The following LMNB2 variants were observed in gnomAD, a reference collection of about 807,000 sequenced individuals.
The protein encoded by LMNB2 is lamin-B2.
LMNB2 carries 17 observed loss-of-function variants against 69.3 expected under a neutral mutation model. The observed-to-expected ratio is 0.25, with a 90% CI of 0.17 to 0.37. The LOEUF (loss-of-function observed/expected upper bound fraction) is 0.37. Among genes scored for constraint, LMNB2 ranks in the 10% least tolerant of loss-of-function variants. The probability of loss-of-function intolerance (pLI) is 1.00; values close to 1 mark genes in which losing one functional copy is unlikely to be tolerated. For missense variants in LMNB2, 789 were observed against 883.6 expected (o/e 0.89, Z 1.36); for synonymous variants, 397 against 389.3 (o/e 1.02, Z -0.23).
Position 2,430,355 on chromosome 19 carries a change from G to A in LMNB2, c.*556C>T, listed in dbSNP as rs1971723033. 2 of 175,852 alleles carry A rather than the reference G, an allele frequency of 1.1e-5. No homozygotes were observed. Among genetic ancestry groups the A allele is most frequent in the South Asian group, 1.2e-4 (1 of 8,312 alleles). 10.9% of individuals were successfully genotyped at this position (175,852 alleles called of 1,614,324 possible). ...AGCCCAGGCAGCGGAGTGAAAACCCGCCCTGGGGGCCACGCCATCCCCATG... is the reference window on the plus strand; with the variant it reads ...AGCCCAGGCAGCGGAGTGAAAACCCACCCTGGGGGCCACGCCATCCCCATG... On this transcript the variant is annotated 3_prime_UTR_variant, in exon 12 of 12. Coordinates refer to ENST00000325327, the MANE Select transcript of LMNB2 (RefSeq NM_032737.4).
rs556276153 is a variant in LMNB2 at position 2,447,171 on chromosome 19, A to G, written c.265-2631T>C. ...AATAAATAAATAAATAAATAAAATG[A>G]AAAATAAAAATAAATAAAAAAATAA... On this transcript the variant is annotated intron_variant, in intron 1 of 11. Transcript: ENST00000325327. This position sits in a 1 kb window ranked among gnomAD's most constrained non-coding sequence, Gnocchi z 4.4. Among the ~76,000 whole-genome samples the G allele has an allele frequency of 1.4e-5, 2 of 147,716 alleles. No individual in the cohort carries two copies. The highest frequency in any genetic ancestry group is 5.1e-5 in the African/African-American group (2 of 39,508).
intron 11 of LMNB2, 117 bp from the exon 12 acceptor site, chr19:2,431,069 A>G: frequency 4.1e-6 from 3 of 732,638 alleles, no homozygotes; most frequent in South Asian, 1.4e-5. Flanking sequence ...AACAGTGTCT[A>G]TTTCTAGAGC....
At chr19:2,450,149 T>C (rs2145470607) in intron 1 of LMNB2, among the ~76,000 whole-genome samples, 1 of 147,384 alleles carries the variant, frequency 6.8e-6, no homozygotes, top group Admixed American at 6.6e-5. Context: ...ATTAAAACAT[T>C]ACTCATCCCA....
At chr19:2,450,833 T>C (rs1182942506) in intron 1 of LMNB2, among the ~76,000 whole-genome samples, 2 of 150,406 alleles carry the variant, frequency 1.3e-5, no homozygotes, top group Admixed American at 1.3e-4. Context: ...GGCTTCACCA[T>C]GTTGGCCAGG....
chr19:2,431,421 C>G, intron 11 of LMNB2, 127 bp downstream of exon 11: 1 of 1,249,448 alleles, frequency 8.0e-7, no homozygotes, highest in East Asian at 2.3e-5. Flanking sequence ...CTGGCTTCAC[C>G]CTGAGCCACG....
intron 1 of LMNB2, among the ~76,000 whole-genome samples, chr19:2,448,065 G>A (rs964173539): frequency 6.6e-6 from 1 of 152,218 alleles, no homozygotes; most frequent in African/African-American, 2.4e-5. Context: ...CACAGAGGCA[G>A]CAGTGCAAAG....
intron 11 of LMNB2, among the ~76,000 whole-genome samples, chr19:2,431,190 G>A (rs1013633020): frequency 6.6e-6 from 1 of 152,216 alleles, no homozygotes; most frequent in African/African-American, 2.4e-5. Context: ...TGCAGCTGTG[G>A]TTTCTGCACT....
At chr19:2,431,505 C>G in intron 11 of LMNB2, 43 bp downstream of exon 11, 1 of 1,613,344 alleles carries the variant, frequency 6.2e-7, no homozygotes, top group Non-Finnish European at 8.5e-7. Flanking sequence ...TCACTCTGCC[C>G]CAGAGGCTGC....
chr19:2,438,757 G>A (rs944700663), intron 2 of LMNB2, among the ~76,000 whole-genome samples: 27 of 152,194 alleles, frequency 1.8e-4, no homozygotes, highest in Non-Finnish European at 3.5e-4. Flanking sequence ...AGGCACCAGC[G>A]CTTGGGACCA....
chr19:2,447,820 G>A lies in LMNB2; in HGVS notation c.265-3280C>T, dbSNP rs902617846. ...GCAGTGACCGGGCCTCTTCTGAGGTGGGACCCTCAGCCTCAAACCAACGCA... is the reference window on the plus strand; with the variant it reads ...GCAGTGACCGGGCCTCTTCTGAGGTAGGACCCTCAGCCTCAAACCAACGCA... On this transcript the variant is annotated intron_variant, in intron 1 of 11. Coordinates refer to ENST00000325327, the MANE Select transcript of LMNB2 (RefSeq NM_032737.4). The surrounding 1 kb of genome is among the most constrained non-coding windows in gnomAD (Gnocchi z 4.4). Among the ~76,000 whole-genome samples the A allele has an allele frequency of 1.3e-5, 2 of 152,176 alleles. No individual in the cohort carries two copies. The highest frequency in any genetic ancestry group is 6.5e-5 in the Admixed American group (1 of 15,280).
At position 2,438,405 on chromosome 19, in the gene LMNB2, G is replaced by A. The variant is rs749717016; in HGVS notation, c.528C>T (p.Asp176=). ...ALSDKRGLES[D]VAELRAQLAK... ...CCAGCTGGGCCCGCAGCTCAGCCACGTCACTCTCCAGGCCGCGCTTGTCGC... is the reference window on the plus strand; with the variant it reads ...CCAGCTGGGCCCGCAGCTCAGCCACATCACTCTCCAGGCCGCGCTTGTCGC... Residue 176 remains aspartate (D), a synonymous_variant, in exon 3 of 12, where the codon GAC becomes GAT. Transcript: ENST00000325327. The A allele has an allele frequency of 3.0e-5, 48 of 1,612,736 alleles. No individual in the cohort carries two copies. The highest frequency in any genetic ancestry group is 1.7e-4 in the Middle Eastern group (1 of 6,052).
chr19:2,438,495 C>G lies in LMNB2; in HGVS notation c.438G>C (p.Gln146His), dbSNP rs577671047. ...KKREGELTVA[Q>H]GRVKDLESLF... is the part of the protein sequence containing the mutation. ...GGGACTCCAGGTCCTTCACACGGCC[C>G]TGGGCCACCGTAAGCTCGCCCTCCC... is the stretch of plus-strand genomic sequence containing the variant. Residue 146 changes from glutamine (Q) to histidine (H), a missense_variant, in exon 3 of 12, where the codon CAG becomes CAC. Physicochemically the swap from Gln to His is conservative, Grantham distance 24 (BLOSUM62 0). Coordinates refer to ENST00000325327, the MANE Select transcript of LMNB2 (RefSeq NM_032737.4). 1 of 1,610,886 alleles carries G rather than the reference C, an allele frequency of 6.2e-7. No individual in the cohort carries two copies. The highest frequency in any genetic ancestry group is 1.1e-5 in the South Asian group (1 of 90,932).
In LMNB2 at chr19:2,438,368, C is replaced by A. The variant is rs1971853020; in HGVS notation, c.558+7G>T. On this transcript the variant is annotated splice_region_variant and intron_variant, in intron 3 of 11. Transcript: ENST00000325327. ...TGCTGGGGCGTCCCGTGGCTCCTGG[C>A]ACCTACCTTGGCCAGCTGGGCCCGC... 3 of 1,613,004 alleles carry A rather than the reference C, an allele frequency of 1.9e-6. No homozygotes were observed. Among genetic ancestry groups the A allele is most frequent in the African/African-American group, 1.3e-5 (1 of 74,928 alleles).
chr19:2,453,500 C>G lies in LMNB2; in HGVS notation c.264+3170G>C, dbSNP rs777669989. ...CCAGCAGGCTTCCAACTCTGCTCCC[C>G]ACTAGCCGGGTTCCTGGCCCACTAG... On this transcript the variant is annotated intron_variant, in intron 1 of 11. Transcript: ENST00000325327. The surrounding 1 kb of genome is among the most constrained non-coding windows in gnomAD (Gnocchi z 4.4). Among the ~76,000 whole-genome samples, 3 of 152,132 alleles carry G rather than the reference C, an allele frequency of 2.0e-5. No individual in the cohort carries two copies. Among genetic ancestry groups the G allele is most frequent in the Non-Finnish European group, 2.9e-5 (2 of 68,024 alleles).
In LMNB2 at chr19:2,432,412, C is replaced by G. The variant is rs777465807; in HGVS notation, c.1590+4G>C. ...CACCCTCGCCCTCCTGCCCCACCACCTACCGTGACCATCTGGCCGGCGCGC... is the reference window on the plus strand; with the variant it reads ...CACCCTCGCCCTCCTGCCCCACCACGTACCGTGACCATCTGGCCGGCGCGC... On this transcript the variant is annotated splice_donor_region_variant and intron_variant, in intron 9 of 11. Coordinates refer to ENST00000325327, the MANE Select transcript of LMNB2 (RefSeq NM_032737.4). 1 of 1,611,600 alleles carries G rather than the reference C, an allele frequency of 6.2e-7. No homozygotes were observed. The highest frequency in any genetic ancestry group is 1.3e-5 in the African/African-American group (1 of 74,932).
intron 1 of LMNB2, among the ~76,000 whole-genome samples, chr19:2,449,299 G>A (rs1055258987): frequency 1.3e-5 from 2 of 152,188 alleles, no homozygotes; most frequent in African/African-American, 2.4e-5. Flanking sequence ...AGGAGGCCAC[G>A]CCCAAGCCTG....
Position 2,434,772 on chromosome 19 carries a change from G to T in LMNB2, c.981+16C>A. ...TGGGCCAGGGGGACGGCAGACGGTG[G>T]CGCTGTGCTCATCACCTGCTTCTGG... On this transcript the variant is annotated intron_variant, in intron 6 of 11. Transcript: ENST00000325327. The T allele has an allele frequency of 1.3e-6, 2 of 1,598,890 alleles. No individual in the cohort carries two copies. Among genetic ancestry groups the T allele is most frequent in the Non-Finnish European group, 1.7e-6 (2 of 1,174,370 alleles).
At chr19:2,450,462 G>A (rs1972009914) in intron 1 of LMNB2, among the ~76,000 whole-genome samples, 2 of 151,932 alleles carry the variant, frequency 1.3e-5, no homozygotes, top group Admixed American at 6.6e-5. Context: ...GCTGAGGCAG[G>A]AGGATCAGCC....
chr19:2,455,268 C>A (rs1275875165), intron 1 of LMNB2, among the ~76,000 whole-genome samples: 1 of 151,820 alleles, frequency 6.6e-6, no homozygotes, highest in East Asian at 2.0e-4. Context: ...TCCAGGGAGA[C>A]CCCCCACACA....
Sources: allele counts gnomAD v4.1 joint callset (sites outside exome capture counted in the v4.1 genomes callset), GRCh38; gene constraint gnomAD v4.1.1; non-coding constraint Gnocchi (gnomAD v3.1); transcripts MANE v1.5; gene names NCBI Gene and HGNC (gene_info 2026-07-23, HGNC 2026-07-21).